CSMD1: variants seen among roughly 807,000 people sequenced by gnomAD.
CSMD1 encodes the protein CUB and sushi domain-containing protein 1.
In CSMD1, 213 loss-of-function variants were observed where a neutral mutation model predicts 417.5. That is an observed-to-expected ratio of 0.51 (90% CI 0.46 to 0.57). CSMD1 has a LOEUF of 0.57. CSMD1 is among the 20% of genes least tolerant of loss of function. The probability of loss-of-function intolerance (pLI) is 0.00; values close to 1 mark genes in which losing one functional copy is unlikely to be tolerated. For missense variants in CSMD1, 6,923 were observed against 4,529.7 expected (o/e 1.53, Z -15.17); for synonymous variants, 2,862 against 1,736.8 (o/e 1.65, Z -16.11).
chr8:3,357,030 T>C (rs970818198), intron 21 of CSMD1, among the ~76,000 whole-genome samples: 19 of 151,702 alleles, frequency 1.3e-4, no homozygotes, highest in African/African-American at 3.9e-4. Context: ...GACTGCGGGG[T>C]TCTGGAGTGA....
intron 1 of CSMD1, among the ~76,000 whole-genome samples, chr8:4,921,032 G>C (rs575681124): frequency 8.4e-6 from 1 of 119,216 alleles, no homozygotes; most frequent in Non-Finnish European, 1.8e-5. Context: ...AAGGAAGAAA[G>C]AAAGGAAGGA....
rs368143273 is a variant in CSMD1 at position 4,436,059 on chromosome 8, T to C, written c.303-15994A>G. On this transcript the variant is annotated intron_variant, in intron 2 of 69. Transcript: ENST00000635120. The stretch of plus-strand genomic sequence containing the variant: ...AGACCCAATCAAGATCATTCACAGA[T>C]CTTATAATTCCAAGTTTCAAGAATA... Among the ~76,000 whole-genome samples, 31 of 152,280 alleles carry C rather than the reference T, an allele frequency of 2.0e-4. No individual in the cohort carries two copies. The South Asian group carries it at 6.0e-3, about 30-fold the overall frequency.
chr8:4,804,678 A>T (rs556130538), intron 1 of CSMD1, among the ~76,000 whole-genome samples: 2 of 152,330 alleles, frequency 1.3e-5, no homozygotes, highest in South Asian at 4.1e-4. Context: ...TAGTGATCAA[A>T]ATATAAAACC....
At chr8:3,911,567 G>A (rs951880296) in intron 5 of CSMD1, among the ~76,000 whole-genome samples, 1 of 151,570 alleles carries the variant, frequency 6.6e-6, no homozygotes, top group Non-Finnish European at 1.5e-5. Flanking sequence ...AGAAAACGAA[G>A]GCTATATAAC....
chr8:3,497,310 T>C lies in CSMD1; in HGVS notation c.1345-3584A>G, dbSNP rs1285377661. On this transcript the variant is annotated intron_variant, in intron 10 of 69. Transcript: ENST00000635120. Reference sequence around the variant, plus strand: ...TCCCATCAATAATGTTTGCTTTATATATCTGGGGTCTCTGGTGTTGGGTGC... The same window carrying C: ...TCCCATCAATAATGTTTGCTTTATACATCTGGGGTCTCTGGTGTTGGGTGC... 3.3e-5 allele frequency among the ~76,000 whole-genome samples: 5 copies of C among 152,356 alleles called. No homozygotes were observed. The East Asian group carries it at 5.8e-4, about 18-fold the overall frequency.
At chr8:3,122,098 A>G (rs925802597) in intron 41 of CSMD1, among the ~76,000 whole-genome samples, 1 of 152,166 alleles carries the variant, frequency 6.6e-6, no homozygotes, top group Admixed American at 6.6e-5. Flanking sequence ...AGTGTTTGAA[A>G]ATGAGTATTC....
intron 3 of CSMD1, among the ~76,000 whole-genome samples, chr8:4,193,448 G>C (rs966442838): frequency 6.6e-6 from 1 of 151,800 alleles, no homozygotes; most frequent in African/African-American, 2.4e-5. Flanking sequence ...ACCCATGCCA[G>C]GTCATGTTTT....
intron 15 of CSMD1, among the ~76,000 whole-genome samples, chr8:3,404,590 C>G (rs1036653879): frequency 6.6e-6 from 1 of 152,096 alleles, no homozygotes; most frequent in Non-Finnish European, 1.5e-5. Context: ...TGATATTTAA[C>G]ATATATTCCT....
chr8:3,801,538 G>C (rs1302558027), intron 5 of CSMD1, among the ~76,000 whole-genome samples: 3 of 152,092 alleles, frequency 2.0e-5, no homozygotes, highest in Non-Finnish European at 4.4e-5. Flanking sequence ...TAAAATGTTA[G>C]AGATATGCTG....
chr8:4,443,125 G>C (rs1034827755), intron 2 of CSMD1, among the ~76,000 whole-genome samples: 22 of 152,146 alleles, frequency 1.4e-4, no homozygotes, highest in Admixed American at 2.6e-4. Flanking sequence ...AAAAGTGGTA[G>C]CTGGTATAGC....
intron 49 of CSMD1, among the ~76,000 whole-genome samples, chr8:3,066,228 A>G (rs923158193): frequency 6.6e-6 from 1 of 152,210 alleles, no homozygotes; most frequent in East Asian, 1.9e-4. Flanking sequence ...ACAACAGCTA[A>G]TGAAATGAAG....
At chr8:3,718,270 G>A (rs182195355) in intron 6 of CSMD1, among the ~76,000 whole-genome samples, 1 of 149,560 alleles carries the variant, frequency 6.7e-6, no homozygotes, top group African/African-American at 2.5e-5. Flanking sequence ...CCCATTGTCA[G>A]CTTACAAATA....
chr8:3,474,083 T>A (rs373203549), intron 11 of CSMD1, among the ~76,000 whole-genome samples: 2 of 151,934 alleles, frequency 1.3e-5, no homozygotes, highest in East Asian at 3.9e-4. Flanking sequence ...CAATTAGAGA[T>A]GAGATTTGAG....
At chr8:4,293,168 GAGGAC>G (rs1262968567) in intron 3 of CSMD1, among the ~76,000 whole-genome samples, 4 of 152,204 alleles carry the variant, frequency 2.6e-5, no homozygotes, top group African/African-American at 9.6e-5. Flanking sequence ...AGTATACTCT[GAGGAC>G]TGAACCTCCC....
At chr8:3,461,629 G>T (rs1406242881) in intron 12 of CSMD1, among the ~76,000 whole-genome samples, 2 of 152,208 alleles carry the variant, frequency 1.3e-5, no homozygotes, top group Non-Finnish European at 2.9e-5. Context: ...AGCTATCCCT[G>T]TGGCCCAGCA....
chr8:3,494,563 GATAGATAGA>G (rs1796282655), intron 10 of CSMD1, among the ~76,000 whole-genome samples: 1 of 45,438 alleles, frequency 2.2e-5, no homozygotes, highest in African/African-American at 7.2e-5. Context: ...ATGATAGATA[GATAGATAGA>G]TAGATAGATA....
intron 5 of CSMD1, among the ~76,000 whole-genome samples, chr8:3,762,128 C>G (rs753254281): frequency 6.6e-6 from 1 of 152,136 alleles, no homozygotes; most frequent in Non-Finnish European, 1.5e-5. Context: ...TGCTTTCCAG[C>G]CTCTTCAGGT....
intron 6 of CSMD1, among the ~76,000 whole-genome samples, chr8:3,714,670 G>C (rs558655061): frequency 3.4e-4 from 51 of 151,742 alleles, no homozygotes; most frequent in African/African-American, 1.2e-3. Context: ...CCCGGAGGCA[G>C]AGTTTGCAGT....
intron 23 of CSMD1, among the ~76,000 whole-genome samples, chr8:3,329,311 C>G (rs1189227350): frequency 6.6e-6 from 1 of 152,036 alleles, no homozygotes; most frequent in African/African-American, 2.4e-5. Flanking sequence ...ACAGCCGGAC[C>G]CCTAAGAGCA....
Sources: allele counts gnomAD v4.1 joint callset (sites outside exome capture counted in the v4.1 genomes callset), GRCh38; gene constraint gnomAD v4.1.1; transcripts MANE v1.5; gene names NCBI Gene and HGNC (gene_info 2026-07-23, HGNC 2026-07-21).